Variants in NOSIP observed in about 807,000 individuals in gnomAD.
The protein encoded by NOSIP is nitric oxide synthase-interacting protein.
A neutral mutation model predicts 36.4 loss-of-function variants in NOSIP; 25 were observed. The observed-to-expected ratio is 0.69, with a 90% CI of 0.50 to 0.96. NOSIP has a LOEUF of 0.96. Among genes scored for constraint, NOSIP ranks in the 40% least tolerant of loss-of-function variants. The pLI is 0.00. For synonymous variants in NOSIP, 187 were observed against 179.2 expected (o/e 1.04, Z -0.35); for missense variants, 370 against 429.0 (o/e 0.86, Z 1.21).
At chr19:49,579,603 AAAC>A (rs2080598740) in intron 1 of NOSIP, among the ~76,000 whole-genome samples, 1 of 152,160 alleles carries the variant, frequency 6.6e-6, no homozygotes. Context: ...TTGTCTCTGA[AAAC>A]AACCTCTGCT....
Position 49,556,523 on chromosome 19 carries a change from C to T in NOSIP, c.725+26G>A, listed in dbSNP as rs761460943. 4.4e-6 allele frequency: 7 copies of T among 1,605,180 alleles called. No individual in the cohort carries two copies. The African/African-American group carries it at 6.7e-5, about 15-fold the overall frequency. ...CGCCCCGCAGGTTCCCGAGTGGTCC[C>T]TTCCCTCCCCTCCCAGGTGACTCAC... is the stretch of plus-strand genomic sequence containing the variant. On this transcript the variant is annotated intron_variant, in intron 7 of 8. Coordinates refer to ENST00000596358, the MANE Select transcript of NOSIP (RefSeq NM_001270960.2).
chr19:49,571,509 A>G (rs2080483797), intron 1 of NOSIP, among the ~76,000 whole-genome samples: 1 of 152,170 alleles, frequency 6.6e-6, no homozygotes, highest in Non-Finnish European at 1.5e-5. Context: ...GGAAACAGGC[A>G]AAGAGCAGGA....
chr19:49,579,041 C>A lies in NOSIP; in HGVS notation c.-2+1474G>T, dbSNP rs1224760411. The A allele has an allele frequency of 2.0e-5, 3 of 152,096 alleles. No homozygotes were observed. In the East Asian group the frequency reaches 5.8e-4, roughly 29 times the overall value. The allele number at this position is 152,096 out of a possible 1,614,324, so 9.4% of individuals were successfully genotyped here. ...TGATCAACTGAACTAGAATTAGTTTCTTCAATGAATCGATTACACCAAGAA... is the reference window on the plus strand; with the variant it reads ...TGATCAACTGAACTAGAATTAGTTTATTCAATGAATCGATTACACCAAGAA... On this transcript the variant is annotated intron_variant, in intron 1 of 8. Transcript: ENST00000596358.
intron 1 of NOSIP, among the ~76,000 whole-genome samples, chr19:49,563,838 A>C (rs2080367610): frequency 6.6e-6 from 1 of 152,138 alleles, no homozygotes. Context: ...ATGTCTCTGC[A>C]AGAAATAAAA....
intron 1 of NOSIP, among the ~76,000 whole-genome samples, chr19:49,570,118 G>T (rs1375365017): frequency 6.6e-6 from 1 of 151,868 alleles, no homozygotes; most frequent in Non-Finnish European, 1.5e-5. Flanking sequence ...AATAAAGAAA[G>T]AATAAAATAT....
intron 1 of NOSIP, among the ~76,000 whole-genome samples, chr19:49,578,586 G>A (rs988681189): frequency 6.6e-6 from 1 of 151,928 alleles, no homozygotes; most frequent in Admixed American, 6.6e-5. Flanking sequence ...CAGGAGGATC[G>A]CTTAAGCCCA....
chr19:49,574,718 C>T (rs975569203), intron 1 of NOSIP, among the ~76,000 whole-genome samples: 5 of 152,100 alleles, frequency 3.3e-5, no homozygotes, highest in African/African-American at 1.2e-4. Flanking sequence ...TCTCTGGTGT[C>T]TCCTTCTGTT....
chr19:49,572,477 A>G (rs2080498462), intron 1 of NOSIP, among the ~76,000 whole-genome samples: 1 of 145,554 alleles, frequency 6.9e-6, no homozygotes, highest in Non-Finnish European at 1.5e-5. Flanking sequence ...AAATAGTGCA[A>G]TCTTGGCTCA....
intron 1 of NOSIP, among the ~76,000 whole-genome samples, chr19:49,576,330 C>G (rs572824018): frequency 1.7e-4 from 26 of 150,780 alleles, no homozygotes; most frequent in African/African-American, 5.8e-4. Context: ...CTGTCTCTAC[C>G]AAAAAAAAGC....
At chr19:49,569,449 C>T (rs1378718796) in intron 1 of NOSIP, among the ~76,000 whole-genome samples, 44 of 144,024 alleles carry the variant, frequency 3.1e-4, no homozygotes, top group Middle Eastern at 4.0e-3. Flanking sequence ...CTGCCCGCCT[C>T]GGCCTTCCAA....
chr19:49,574,779 C>T (rs1400216891), intron 1 of NOSIP, among the ~76,000 whole-genome samples: 3 of 151,894 alleles, frequency 2.0e-5, no homozygotes, highest in Non-Finnish European at 4.4e-5. Flanking sequence ...AGCGGCGGAT[C>T]TCGCCTCCCA....
intron 1 of NOSIP, among the ~76,000 whole-genome samples, chr19:49,568,835 G>C (rs1407488570): frequency 7.2e-6 from 1 of 139,360 alleles, no homozygotes; most frequent in African/African-American, 2.9e-5. Context: ...ACAGAGTCTT[G>C]CTCTGTCACC....
chr19:49,568,807 TTTG>T (rs1210429868), intron 1 of NOSIP, among the ~76,000 whole-genome samples: 9 of 116,036 alleles, frequency 7.8e-5, no homozygotes, highest in African/African-American at 4.0e-4. Flanking sequence ...AGTTTGTTTG[TTTG>T]TTTTTTTTTT....
rs2080447979 is a variant in NOSIP, at chr19:49,568,915, G to A, written c.-1-8223C>T. ...CCTCCCAGGTTCAAGCGATTCTCCT[G>A]CCTCAGCCTCCTGAGTAGCTGGGAC... On this transcript the variant is annotated intron_variant, in intron 1 of 8. Coordinates refer to ENST00000596358, the MANE Select transcript of NOSIP (RefSeq NM_001270960.2). Among the ~76,000 whole-genome samples, 3 of 150,486 alleles carry A rather than the reference G, an allele frequency of 2.0e-5. No individual in the cohort carries two copies. In the South Asian group the frequency reaches 6.3e-4, roughly 31 times the overall value.
In NOSIP at chr19:49,560,149, A is replaced by G. The variant is rs2080312815; in HGVS notation, c.71-110T>C. On this transcript the variant is annotated intron_variant, in intron 2 of 8. Transcript: ENST00000596358. This position sits in a 1 kb window ranked among gnomAD's most constrained non-coding sequence, Gnocchi z 4.6. ...GACAACGCGGTGGTGGGGGTGGGGG[A>G]CTCAGAGAGAAACAGGCAGTTGGGA... 1 of 715,832 alleles carries G rather than the reference A, an allele frequency of 1.4e-6. No homozygotes were observed. The highest frequency in any genetic ancestry group is 2.4e-6 in the Non-Finnish European group (1 of 422,756). The allele number at this position is 715,832 out of a possible 1,614,324, so 44.3% of individuals were successfully genotyped here. A position where few individuals can be genotyped will look rare whatever the true frequency, so the allele number is the denominator to read the frequency against.
In NOSIP at chr19:49,559,076, C is replaced by T. The variant is rs1017618660; in HGVS notation, c.177-98G>A. On this transcript the variant is annotated intron_variant, in intron 3 of 8. Transcript: ENST00000596358. Reference sequence around the variant, plus strand: ...ATAGGCAGAAGTCATCATGATCAGTCCCAAGTTCAATTATTTGCTAGAATT... The same window carrying T: ...ATAGGCAGAAGTCATCATGATCAGTTCCAAGTTCAATTATTTGCTAGAATT... The T allele has an allele frequency of 2.5e-5, 23 of 920,180 alleles. No individual in the cohort carries two copies. In the Admixed American group the frequency reaches 3.4e-4, roughly 14 times the overall value. The allele number at this position is 920,180 out of a possible 1,614,324, so 57.0% of individuals were successfully genotyped here. A position where few individuals can be genotyped will look rare whatever the true frequency, so the allele number is the denominator to read the frequency against.
In NOSIP at chr19:49,568,810, GTT is replaced by G. The variant is rs1200980202; in HGVS notation, c.-1-8120_-1-8119del. Among the ~76,000 whole-genome samples, 607 of 118,022 alleles carry G rather than the reference GTT, an allele frequency of 5.1e-3. 30 individuals are homozygous for G. The highest frequency in any genetic ancestry group is 0.025 in the African/African-American group (582 of 23,290). 77.4% of individuals were successfully genotyped at this position (118,022 alleles called of 152,430 possible). On this transcript the variant is annotated intron_variant, in intron 1 of 8. Transcript: ENST00000596358. ...AAAAAAAAAAATAGTTTGTTTGTTT[GTT>G]TTTTTTTTTGAGACAGAGTCTTGCT...
intron 4 of NOSIP, 41 bp downstream of exon 4, chr19:49,558,856 G>A (rs1372844951): frequency 6.5e-7 from 1 of 1,531,868 alleles, no homozygotes; most frequent in African/African-American, 1.4e-5. Flanking sequence ...AGACTCAAAA[G>A]CTCCTGCCTC....
At chr19:49,559,734 TC>T in intron 3 of NOSIP, 199 bp downstream of exon 3, 1 of 597,614 alleles carries the variant, frequency 1.7e-6, no homozygotes, top group Non-Finnish European at 3.0e-6. Flanking sequence ...AGAAGTATGT[TC>T]CTTTCCATAT....
Sources: gnomAD v4.1 joint callset for allele counts (sites outside exome capture counted in the v4.1 genomes callset) on GRCh38, gnomAD v4.1.1 for gene constraint, Gnocchi (gnomAD v3.1) non-coding constraint, MANE v1.5 for transcripts, NCBI Gene and HGNC (gene_info 2026-07-23, HGNC 2026-07-21) for gene names.